Variants in CNTFR observed in about 807,000 individuals in gnomAD.
CNTFR encodes ciliary neurotrophic factor receptor subunit alpha.
In CNTFR, 12 loss-of-function variants were observed where a neutral mutation model predicts 40.4. That is an observed-to-expected ratio of 0.30 (90% confidence interval 0.19 to 0.48). CNTFR has a LOEUF of 0.48. CNTFR is among the 20% of genes least tolerant of loss of function. The probability of loss-of-function intolerance (pLI) is 0.99; values close to 1 mark genes in which losing one functional copy is unlikely to be tolerated. For missense variants in CNTFR, 414 were observed against 506.8 expected, an observed-to-expected ratio of 0.82 and a Z score of 1.76; for synonymous variants, 202 against 209.6, an observed-to-expected ratio of 0.96 and a Z score of 0.31.
chr9:34,557,503 G>A lies in CNTFR; in HGVS notation c.604+23C>T, dbSNP rs759785573. ...ACATTCCCACTGGAGTAGGCAGCAG[G>A]TCCCCCCAACCGCCACACGTACCAA... is the stretch of plus-strand genomic sequence containing the variant. On this transcript the variant is annotated intron_variant, in intron 6 of 9. Transcript: ENST00000378980. The surrounding 1 kb of genome is among the most constrained non-coding windows in gnomAD (Gnocchi z 4.2). 1 of 1,607,716 alleles carries A rather than the reference G, an allele frequency of 6.2e-7. No homozygotes were observed. Among genetic ancestry groups the A allele is most frequent in the Non-Finnish European group, 8.5e-7 (1 of 1,174,728 alleles).
chr9:34,572,725 G>T (rs1826733086), intron 2 of CNTFR, among the ~76,000 whole-genome samples: 1 of 152,218 alleles, frequency 6.6e-6, no homozygotes, highest in Admixed American at 6.5e-5. Flanking sequence ...CATTGAAAAT[G>T]ACACAGTTGT....
rs539939023 is a variant in CNTFR at position 34,552,180 on chromosome 9, C to T, written c.1099G>A (p.Ala367Thr). ...TLALAAAAATASSLLI is the reference protein window; with the variant it reads ...TLALAAAAATTSSLLI ...ACCTACCAGATCAAGAGACTGCTGG[C>T]AGTGGCGGCAGCGGCAGCCAGGGCC... is the stretch of plus-strand genomic sequence containing the variant. The change falls in exon 9 of 10, where the codon GCC becomes ACC. Residue 367 changes from alanine to threonine, a missense_variant. Ala to Thr is a moderately conservative substitution (Grantham distance 58). Transcript: ENST00000378980. The surrounding 1 kb of genome is among the most constrained non-coding windows in gnomAD (Gnocchi z 5.1). 1.3e-5 allele frequency: 21 copies of T among 1,595,848 alleles called. No homozygotes were observed. The South Asian group carries it at 1.7e-4, about 13-fold the overall frequency.
chr9:34,586,762 G>C (rs1028057119), intron 1 of CNTFR, among the ~76,000 whole-genome samples: 1 of 152,170 alleles, frequency 6.6e-6, no homozygotes, highest in African/African-American at 2.4e-5. Context: ...ATCTGACTGG[G>C]TTAGCCTTTA....
In CNTFR at chr9:34,552,224, A is replaced by C; in HGVS notation, c.1055T>G (p.Val352Gly). 6.4e-7 allele frequency: 1 copy of C among 1,571,390 alleles called. No individual in the cohort carries two copies. Among genetic ancestry groups the C allele is most frequent in the South Asian group, 1.2e-5 (1 of 85,902 alleles). ...SGGGPSAPFL[V>G]SVPITLALAA... Reference sequence around the variant, plus strand: ...CAGGGCCAGAGTGATGGGGACGCTGACCAAGAAGGGTGCCGAGGGTCCCCC... The same window carrying C: ...CAGGGCCAGAGTGATGGGGACGCTGCCCAAGAAGGGTGCCGAGGGTCCCCC... The change falls in exon 9 of 10, where the codon GTC becomes GGC. Residue 352 changes from valine (V) to glycine (G), a missense_variant. Coordinates refer to ENST00000378980, the MANE Select transcript of CNTFR (RefSeq NM_147164.3). The surrounding 1 kb of genome is among the most constrained non-coding windows in gnomAD (Gnocchi z 5.1).
intron 2 of CNTFR, among the ~76,000 whole-genome samples, chr9:34,578,626 C>G (rs562914337): frequency 2.0e-5 from 3 of 152,222 alleles, no homozygotes; most frequent in Admixed American, 2.0e-4. Context: ...CACCTCAAGG[C>G]CCAGCTCACT....
At chr9:34,587,471 G>A (rs1394143259) in intron 1 of CNTFR, among the ~76,000 whole-genome samples, 2 of 152,182 alleles carry the variant, frequency 1.3e-5, no homozygotes. Context: ...CCTGGTATGA[G>A]TCTATGTGTG....
At chr9:34,553,763 C>T (rs1825727766) in intron 7 of CNTFR, among the ~76,000 whole-genome samples, 1 of 152,252 alleles carries the variant, frequency 6.6e-6, no homozygotes, top group African/African-American at 2.4e-5. Context: ...GTCCGGCGCC[C>T]CTTCCAGGCC....
Position 34,556,281 on chromosome 9 carries a change from G to A in CNTFR, c.742C>T (p.Pro248Ser), listed in dbSNP as rs200210657. ...FPLKFFLRYR[P>S]LILDQWQHVE... ...TGCTGCCACTGGTCCAGGATGAGGG[G>A]TCGGTAGCGCAGAAAGAACTTGAGA... Residue 248 changes from proline (P) to serine (S), a missense_variant, in exon 7 of 10, where the codon CCC becomes TCC. This residue lies in a region of CNTFR where 83 missense variants were observed against 145.0 expected (regional missense o/e 0.57). Coordinates refer to ENST00000378980, the MANE Select transcript of CNTFR (RefSeq NM_147164.3). The A allele has an allele frequency of 4.6e-5, 75 of 1,613,082 alleles. 1 individual carries two copies. Among genetic ancestry groups the A allele is most frequent in the Non-Finnish European group, 4.5e-5 (53 of 1,179,704 alleles).
Position 34,558,004 on chromosome 9 carries a change from G to T in CNTFR, c.320-20C>A. 1 of 1,499,748 alleles carries T rather than the reference G, an allele frequency of 6.7e-7. No individual in the cohort carries two copies. Among genetic ancestry groups the T allele is most frequent in the South Asian group, 1.3e-5 (1 of 74,216 alleles). The allele number at this position is 1,499,748 out of a possible 1,614,324, so 92.9% of individuals were successfully genotyped here. A position where few individuals can be genotyped will look rare whatever the true frequency, so the allele number is the denominator to read the frequency against. ...GCGGCACTGGGGGTGAGGACAGTAT[G>T]GTCAGGGCATTCTTGGAGCTCCCAG... On this transcript the variant is annotated intron_variant, in intron 4 of 9. Coordinates refer to ENST00000378980, the MANE Select transcript of CNTFR (RefSeq NM_147164.3).
At position 34,564,715 on chromosome 9, in the gene CNTFR, A is replaced by C. The variant is rs146642977; in HGVS notation, c.203T>G (p.Leu68Arg). The C allele has an allele frequency of 1.2e-6, 2 of 1,614,080 alleles. No homozygotes were observed. The highest frequency in any genetic ancestry group is 2.2e-5 in the East Asian group (1 of 44,870). ...RVNGTDLAPD[L>R]LNGSQLVLHG... is the part of the protein sequence containing the mutation. ...GAGCACCAGCTGAGAGCCGTTGAGCAGGTCAGGGGCCAGGTCTGTCCCATT... is the reference window on the plus strand; with the variant it reads ...GAGCACCAGCTGAGAGCCGTTGAGCCGGTCAGGGGCCAGGTCTGTCCCATT... Residue 68 changes from leucine (L) to arginine (R), a missense_variant, in exon 4 of 10, where the codon CTG (leucine) becomes CGG (arginine). This residue lies in a region of CNTFR where 250 missense variants were observed against 269.5 expected (regional missense o/e 0.93). Coordinates refer to ENST00000378980, the MANE Select transcript of CNTFR (RefSeq NM_147164.3).
At chr9:34,575,463 C>G (rs1362934327) in intron 2 of CNTFR, among the ~76,000 whole-genome samples, 2 of 152,088 alleles carry the variant, frequency 1.3e-5, no homozygotes, top group Non-Finnish European at 1.5e-5. Flanking sequence ...CCGAAGCGGA[C>G]GCCGGGGACA....
At chr9:34,583,493 C>T (rs1827410170) in intron 1 of CNTFR, among the ~76,000 whole-genome samples, 1 of 152,190 alleles carries the variant, frequency 6.6e-6, no homozygotes, top group African/African-American at 2.4e-5. Context: ...CTCACCCCAT[C>T]ATTCCAATCC....
rs1825909041 is a variant in CNTFR, at chr9:34,557,788, T to G, written c.437+79A>C. On this transcript the variant is annotated intron_variant, in intron 5 of 9. Coordinates refer to ENST00000378980, the MANE Select transcript of CNTFR (RefSeq NM_147164.3). The surrounding 1 kb of genome is among the most constrained non-coding windows in gnomAD (Gnocchi z 4.2). ...TCAAGCCCAAGGCAGGGCTGGGGTA[T>G]GGACAGAGGGCATGGTGGTGGGATG... is the stretch of plus-strand genomic sequence containing the variant. 6.4e-7 allele frequency: 1 copy of G among 1,563,206 alleles called. No homozygotes were observed. The highest frequency in any genetic ancestry group is 1.4e-5 in the African/African-American group (1 of 73,874).
intron 4 of CNTFR, among the ~76,000 whole-genome samples, chr9:34,562,558 C>T (rs779864299): frequency 2.0e-5 from 3 of 152,206 alleles, no homozygotes; most frequent in Non-Finnish European, 4.4e-5. Flanking sequence ...TAACATTTTA[C>T]ACAGTGTTCT....
chr9:34,567,116 C>T (rs981638815), intron 3 of CNTFR, among the ~76,000 whole-genome samples: 6 of 152,162 alleles, frequency 3.9e-5, no homozygotes, highest in Non-Finnish European at 7.3e-5. Flanking sequence ...GCTCTGCTCC[C>T]GCCCCGTGGG....
intron 2 of CNTFR, chr9:34,571,562 A>ACT (rs1491285139): frequency 3.9e-5 from 1 of 25,962 alleles, no homozygotes; most frequent in South Asian, 6.6e-4. Context: ...GCGTGCGCAT[A>ACT]CACACACACA....
At position 34,557,141 on chromosome 9, in the gene CNTFR, C is replaced by T. The variant is rs193144216; in HGVS notation, c.604+385G>A. On this transcript the variant is annotated intron_variant, in intron 6 of 9. Transcript: ENST00000378980. The surrounding 1 kb of genome is among the most constrained non-coding windows in gnomAD (Gnocchi z 4.2). ...AGGGCAGTATCTGTCCCAGTCCTGT[C>T]TCCTGTTCTGACACCTCATTCATCA... Among the ~76,000 whole-genome samples the T allele has an allele frequency of 2.7e-5, 4 of 148,446 alleles. No individual in the cohort carries two copies. The East Asian group carries it at 8.1e-4, about 30-fold the overall frequency.
At chr9:34,590,471 G>T (rs1827730638), upstream of CNTFR, among the ~76,000 whole-genome samples, 1 of 152,116 alleles carries the variant, frequency 6.6e-6, no homozygotes, top group African/African-American at 2.4e-5. Flanking sequence ...ACTGCCCCCC[G>T]CAACGACTCC....
At chr9:34,587,228 A>C (rs1827582498) in intron 1 of CNTFR, among the ~76,000 whole-genome samples, 1 of 152,138 alleles carries the variant, frequency 6.6e-6, no homozygotes, top group African/African-American at 2.4e-5. Flanking sequence ...TTCTAGTGTA[A>C]GTCTGAGTGT....
Sources: allele counts gnomAD v4.1 joint callset (sites outside exome capture counted in the v4.1 genomes callset), GRCh38; gene constraint gnomAD v4.1.1; regional missense constraint gnomAD v4.1.1; non-coding constraint Gnocchi (gnomAD v3.1); transcripts MANE v1.5; gene names NCBI Gene and HGNC (gene_info 2026-07-23, HGNC 2026-07-21).